The following PDIA3 variants were observed in gnomAD, a reference collection of about 807,000 sequenced individuals.
PDIA3 encodes protein disulfide-isomerase A3.
Under a neutral mutation model 56.9 loss-of-function variants are expected in PDIA3, and 16 were observed. That is an observed-to-expected ratio of 0.28 (90% CI 0.19 to 0.43). The LOEUF (loss-of-function observed/expected upper bound fraction) is 0.43, where lower values mean the gene tolerates loss of function less well. Among genes scored for constraint, PDIA3 ranks in the 20% least tolerant of loss-of-function variants. The probability of loss-of-function intolerance (pLI) is 1.00; values close to 1 mark genes in which losing one functional copy is unlikely to be tolerated. For missense variants in PDIA3, 485 were observed against 621.3 expected (o/e 0.78, Z 2.33); for synonymous variants, 192 against 216.5 (o/e 0.89, Z 0.99).
intron 2 of PDIA3, among the ~76,000 whole-genome samples, chr15:43,755,410 T>A (rs918061199): frequency 6.6e-6 from 1 of 152,160 alleles, no homozygotes; most frequent in Non-Finnish European, 1.5e-5. Flanking sequence ...GAAAATGATA[T>A]GAGGATATTG....
At chr15:43,765,758 A>G in intron 6 of PDIA3, 129 bp from the exon 7 acceptor site, 1 of 1,012,616 alleles carries the variant, frequency 9.9e-7, no homozygotes, top group Non-Finnish European at 1.5e-6. Flanking sequence ...TAAGGTATAT[A>G]TTGCTCAGTA....
chr15:43,750,818 A>G (rs1458568898), intron 1 of PDIA3, among the ~76,000 whole-genome samples: 1 of 150,944 alleles, frequency 6.6e-6, no homozygotes, highest in African/African-American at 2.4e-5. Context: ...ATAGATGTGT[A>G]TGCTACCCTC....
At chr15:43,752,328 TA>T (rs2086749912) in intron 1 of PDIA3, among the ~76,000 whole-genome samples, 1 of 152,228 alleles carries the variant, frequency 6.6e-6, no homozygotes, top group Non-Finnish European at 1.5e-5. Context: ...ATACAGAGGA[TA>T]TAATGAATAA....
rs2086881771 is a variant in PDIA3, at chr15:43,771,492, A to G, written c.*274A>G. 2 of 474,988 alleles carry G rather than the reference A, an allele frequency of 4.2e-6. No individual in the cohort carries two copies. The highest frequency in any genetic ancestry group is 9.7e-5 in the South Asian group (2 of 20,558). The allele number at this position is 474,988 out of a possible 1,614,324, so 29.4% of individuals were successfully genotyped here. A position where few individuals can be genotyped will look rare whatever the true frequency, so the allele number is the denominator to read the frequency against. ...GGGGTTGAGTTGGGGGTATTTTCTAATTTTTTTTGTACATTTGGAACAGTG... is the reference window on the plus strand; with the variant it reads ...GGGGTTGAGTTGGGGGTATTTTCTAGTTTTTTTTGTACATTTGGAACAGTG... On this transcript the variant is annotated 3_prime_UTR_variant, in exon 13 of 13. Coordinates refer to ENST00000300289, the MANE Select transcript of PDIA3 (RefSeq NM_005313.5).
chr15:43,753,914 T>G lies in PDIA3; in HGVS notation c.246+12T>G. On this transcript the variant is annotated intron_variant, in intron 2 of 12. Transcript: ENST00000300289. ...TCCCATTAGCAAAGGTAAGTACAGG[T>G]GGATTCTTCACTAAAGGACGTGAAG... 2 of 1,580,464 alleles carry G rather than the reference T, an allele frequency of 1.3e-6. No homozygotes were observed. Among genetic ancestry groups the G allele is most frequent in the Non-Finnish European group, 1.7e-6 (2 of 1,149,604 alleles).
In PDIA3 at chr15:43,761,525, A is replaced by G. The variant is rs543485322; in HGVS notation, c.466A>G (p.Ile156Val). 4.8e-6 allele frequency: 7 copies of G among 1,454,652 alleles called. No homozygotes were observed. The highest frequency in any genetic ancestry group is 3.4e-5 in the Admixed American group (2 of 58,270). The allele number at this position is 1,454,652 out of a possible 1,614,324, so 90.1% of individuals were successfully genotyped here. Residue 156 changes from isoleucine (I) to valine (V), a missense_variant, in exon 4 of 13, where the codon ATA (isoleucine) becomes GTA (valine). Transcript: ENST00000300289. The stretch of plus-strand genomic sequence containing the variant: ...ATTCATTAGTGATAAAGATGCCTCT[A>G]TAGTAGGTAAGTAGCAAATATTAAA... ...KKFISDKDAS[I>V]VGFFDDSFSE...
At chr15:43,760,662 C>T (rs1287595667) in intron 3 of PDIA3, among the ~76,000 whole-genome samples, 2 of 150,766 alleles carry the variant, frequency 1.3e-5, no homozygotes, top group African/African-American at 2.4e-5. Context: ...CCGAGTAGCT[C>T]GGGACCACAG....
At chr15:43,750,003 C>G (rs565056862) in intron 1 of PDIA3, among the ~76,000 whole-genome samples, 167 of 150,412 alleles carry the variant, frequency 1.1e-3, no homozygotes, top group African/African-American at 3.9e-3. Context: ...ACAAAATAGA[C>G]CTATTTAAGC....
intron 1 of PDIA3, among the ~76,000 whole-genome samples, chr15:43,753,194 C>T (rs1013354572): frequency 6.6e-5 from 10 of 152,074 alleles, no homozygotes; most frequent in Admixed American, 6.6e-4. Flanking sequence ...TCTCCTGCCT[C>T]AGCCTCCCGA....
At chr15:43,761,394 G>GTT in intron 3 of PDIA3, 30 bp from the exon 4 acceptor site, 1 of 1,184,664 alleles carries the variant, frequency 8.4e-7, no homozygotes, top group East Asian at 2.3e-5. Context: ...AATAAGTTGT[G>GTT]TTGTCATAAC....
intron 1 of PDIA3, chr15:43,752,773 A>G (rs898315927): frequency 1.3e-5 from 6 of 470,896 alleles, no homozygotes; most frequent in East Asian, 6.9e-5. Flanking sequence ...CTTCTCTATT[A>G]TATTTCTATT....
At chr15:43,760,522 A>AG (rs1048193010) in intron 3 of PDIA3, among the ~76,000 whole-genome samples, 48 of 144,150 alleles carry the variant, frequency 3.3e-4, no homozygotes, top group African/African-American at 1.1e-3. Context: ...TTTCTGTTAA[A>AG]AAAAAAACTT....
At chr15:43,766,134 T>TTA (rs905380571) in intron 7 of PDIA3, 122 bp downstream of exon 7, 47 of 337,760 alleles carry the variant, frequency 1.4e-4, no homozygotes, top group African/African-American at 1.0e-3. Flanking sequence ...TAAGAAGAGG[T>TTA]AAAAAAAAAA....
chr15:43,755,306 C>T (rs1488815169), intron 2 of PDIA3, among the ~76,000 whole-genome samples: 1 of 151,976 alleles, frequency 6.6e-6, no homozygotes, highest in African/African-American at 2.4e-5. Flanking sequence ...CCAGCCTGGG[C>T]GACAGAGCAA....
chr15:43,753,890 C>A lies in PDIA3; in HGVS notation c.234C>A (p.Val78=), dbSNP rs756993668. 3 of 1,611,110 alleles carry A rather than the reference C, an allele frequency of 1.9e-6. No homozygotes were observed. The highest frequency in any genetic ancestry group is 2.7e-5 in the African/African-American group (2 of 74,826). The change falls in exon 2 of 13, where the codon GTC becomes GTA. Residue 78 remains valine, a synonymous_variant. Coordinates refer to ENST00000300289, the MANE Select transcript of PDIA3 (RefSeq NM_005313.5). ...EAAATRLKGI[V]PLAKVDCTAN... is the part of the protein sequence containing the mutation. ...CAGCTACCAGATTAAAAGGAATAGT[C>A]CCATTAGCAAAGGTAAGTACAGGTG...
intron 1 of PDIA3, chr15:43,751,629 T>A: frequency 7.7e-7 from 1 of 1,304,222 alleles, no homozygotes; most frequent in Non-Finnish European, 1.0e-6. Context: ...TCCAGCCTCA[T>A]TGAAACTCTT....
chr15:43,753,048 A>G (rs189702177), intron 1 of PDIA3: 1 of 354,958 alleles, frequency 2.8e-6, no homozygotes, highest in Non-Finnish European at 5.6e-6. Context: ...ATCATACTTG[A>G]GACATTACAG....
intron 1 of PDIA3, among the ~76,000 whole-genome samples, chr15:43,750,968 C>G (rs1162272442): frequency 6.6e-6 from 1 of 151,114 alleles, no homozygotes; most frequent in Admixed American, 6.6e-5. Flanking sequence ...CTTGTCTCTA[C>G]TAAAAATACA....
intron 1 of PDIA3, among the ~76,000 whole-genome samples, chr15:43,752,467 C>G (rs2086750748): frequency 6.6e-6 from 1 of 152,164 alleles, no homozygotes; most frequent in African/African-American, 2.4e-5. Context: ...CAGGAAAAAA[C>G]AATGAATCTG....
Sources: allele counts gnomAD v4.1 joint callset (sites outside exome capture counted in the v4.1 genomes callset), GRCh38; gene constraint gnomAD v4.1.1; transcripts MANE v1.5; gene names NCBI Gene and HGNC (gene_info 2026-07-23, HGNC 2026-07-21).